Variants in CASK observed in about 807,000 individuals in gnomAD.
The protein encoded by CASK is calcium/calmodulin dependent serine protein kinase, also known as peripheral plasma membrane protein CASK.
CASK carries 4 observed loss-of-function variants against 82.9 expected under a neutral mutation model. That is an observed-to-expected ratio of 0.05 (90% CI 0.02 to 0.11). The LOEUF (loss-of-function observed/expected upper bound fraction) is 0.11. Ranked by LOEUF, CASK falls within the 10% of genes least tolerant of loss-of-function variation. CASK has a pLI of 1.00. For synonymous variants in CASK, 259 were observed against 253.5 expected (o/e 1.02, Z -0.20); for missense variants, 358 against 720.9 (o/e 0.50, Z 5.76).
At position 41,621,656 on chromosome X, in the gene CASK, C is replaced by T. The variant is rs750769666; in HGVS notation, c.1033+961G>A. On this transcript the variant is annotated intron_variant, in intron 11 of 26. Transcript: ENST00000378163. Reference sequence around the variant, plus strand: ...CTGACCCACAGGAACTGTGAGATGACAACTGCTGTTTTAAGGTAATTCATT... The same window carrying T: ...CTGACCCACAGGAACTGTGAGATGATAACTGCTGTTTTAAGGTAATTCATT... Among the ~76,000 whole-genome samples, 5 of 111,827 alleles carry T rather than the reference C, an allele frequency of 4.5e-5. No individual in the cohort carries two copies. In the East Asian group the frequency reaches 1.4e-3, roughly 31 times the overall value.
chrX:41,761,197 T>C (rs2068994957), intron 3 of CASK, among the ~76,000 whole-genome samples: 1 of 111,768 alleles, frequency 8.9e-6, no homozygotes, highest in South Asian at 3.7e-4. Context: ...TTTCAAACGA[T>C]GTAGATATGA....
chrX:41,636,143 C>T (rs973789078), intron 9 of CASK, among the ~76,000 whole-genome samples: 8 of 109,844 alleles, frequency 7.3e-5, no homozygotes, highest in African/African-American at 1.7e-4. Context: ...GCAATCCGCC[C>T]GCCTCGGCCT....
chrX:41,539,088 G>T (rs1486676164), intron 22 of CASK, among the ~76,000 whole-genome samples: 1 of 111,947 alleles, frequency 8.9e-6, no homozygotes, highest in African/African-American at 3.2e-5. Flanking sequence ...TTTCACACGT[G>T]ATGACTTATT....
intron 5 of CASK, among the ~76,000 whole-genome samples, chrX:41,678,394 G>A (rs898503345): frequency 9.0e-6 from 1 of 111,045 alleles, no homozygotes; most frequent in Non-Finnish European, 1.9e-5. Context: ...CTTGACTAAT[G>A]GTACCTACAT....
intron 5 of CASK, chrX:41,676,001 G>A: frequency 8.3e-7 from 1 of 1,207,919 alleles, no homozygotes; most frequent in Admixed American, 2.2e-5. Context: ...TGGTCTGATA[G>A]GATGTGTTGG....
At chrX:41,870,975 G>A (rs1378080880) in intron 1 of CASK, among the ~76,000 whole-genome samples, 3 of 112,304 alleles carry the variant, frequency 2.7e-5, no homozygotes, top group East Asian at 5.6e-4. Flanking sequence ...TCTCAGCTAG[G>A]TTGTTTGCGT....
intron 5 of CASK, among the ~76,000 whole-genome samples, chrX:41,711,993 A>G (rs2067985487): frequency 8.9e-6 from 1 of 112,960 alleles, no homozygotes; most frequent in Non-Finnish European, 1.9e-5. Flanking sequence ...ACGCAGGTAC[A>G]AGCCATAGCA....
At chrX:41,862,228 T>C (rs984875594) in intron 1 of CASK, among the ~76,000 whole-genome samples, 22 of 110,106 alleles carry the variant, frequency 2.0e-4, no homozygotes, top group Non-Finnish European at 4.2e-4. Context: ...TACAGCCAAG[T>C]CAAAACACAG....
chrX:41,704,943 G>A (rs1206910681), intron 5 of CASK, among the ~76,000 whole-genome samples: 1 of 111,556 alleles, frequency 9.0e-6, no homozygotes, highest in Non-Finnish European at 1.9e-5. Context: ...ACCTGGCCAA[G>A]TAGAAACATG....
In CASK at chrX:41,586,760, G is replaced by A. The variant is rs2065664072; in HGVS notation, c.1314+147C>T. 6.7e-6 allele frequency: 3 copies of A among 450,546 alleles called. No individual in the cohort carries two copies. The Admixed American group carries it at 1.1e-4, about 17-fold the overall frequency. The allele number at this position is 450,546 out of a possible 1,213,427, so 37.1% of individuals were successfully genotyped here. On this transcript the variant is annotated intron_variant, in intron 14 of 26. Coordinates refer to ENST00000378163, the MANE Select transcript of CASK (RefSeq NM_001367721.1). ...TAAACAAAACAGTCTTAAAATATTT[G>A]GTATTACCTGGTATTGTAATCTTAA...
chrX:41,775,696 T>C (rs1240021835), intron 3 of CASK, among the ~76,000 whole-genome samples: 2 of 105,377 alleles, frequency 1.9e-5, no homozygotes, highest in Non-Finnish European at 4.0e-5. Context: ...CATGGAATAC[T>C]ATGCAGCCAT....
intron 4 of CASK, among the ~76,000 whole-genome samples, chrX:41,740,135 A>G (rs1044475164): frequency 8.9e-6 from 1 of 111,814 alleles, no homozygotes; most frequent in Non-Finnish European, 1.9e-5. Flanking sequence ...AAAAATGGTA[A>G]TGGGGTTAAC....
chrX:41,671,496 G>A lies in CASK; in HGVS notation c.464C>T (p.Ser155Leu). ...AAAGCCTCCAAGTTTAACAGGTGCC[G>A]AGTTTTCTTTTGAGGCAAGGAGAAC... ...HCVLLASKEN[S>L]APVKLGGFGV... The change falls in exon 6 of 27, where the codon TCG (serine) becomes TTG (leucine). Residue 155 changes from serine (S) to leucine (L), a missense_variant. Transcript: ENST00000378163. 1 of 1,206,270 alleles carries A rather than the reference G, an allele frequency of 8.3e-7. No homozygotes were observed. The highest frequency in any genetic ancestry group is 1.1e-6 in the Non-Finnish European group (1 of 891,048).
intron 5 of CASK, among the ~76,000 whole-genome samples, chrX:41,694,902 A>C (rs1461216870): frequency 8.9e-6 from 1 of 112,219 alleles, no homozygotes; most frequent in Non-Finnish European, 1.9e-5. Context: ...AATACATGTC[A>C]AAATGAATGA....
At position 41,794,756 on chromosome X, in the gene CASK, C is replaced by T. The variant is rs181074005; in HGVS notation, c.173-7473G>A. Among the ~76,000 whole-genome samples, 178 of 111,784 alleles carry T rather than the reference C, an allele frequency of 1.6e-3. 2 individuals carry two copies. Among genetic ancestry groups the T allele is most frequent in the African/African-American group, 4.6e-3 (143 of 30,798 alleles). ...TCTTCAATAAAATTTAAAAAGCAAA[C>T]GAGAAGTTACTGAAATAAAATGGGA... On this transcript the variant is annotated intron_variant, in intron 2 of 26. Transcript: ENST00000378163.
chrX:41,693,909 A>G (rs1284160888), intron 5 of CASK, among the ~76,000 whole-genome samples: 3 of 111,637 alleles, frequency 2.7e-5, no homozygotes, highest in African/African-American at 9.8e-5. Context: ...CTCTACCAAA[A>G]TGCTTTGTTT....
intron 2 of CASK, among the ~76,000 whole-genome samples, chrX:41,849,542 A>G (rs2071220352): frequency 9.0e-6 from 1 of 111,664 alleles, no homozygotes; most frequent in Non-Finnish European, 1.9e-5. Flanking sequence ...TCATTTTTTC[A>G]TACATGTGAA....
intron 2 of CASK, among the ~76,000 whole-genome samples, chrX:41,795,520 G>T (rs2069834904): frequency 9.1e-6 from 1 of 110,443 alleles, no homozygotes; most frequent in African/African-American, 3.3e-5. Flanking sequence ...ACAAAAATTA[G>T]CTGGGTGCGG....
At chrX:41,668,782 T>TC (rs907248881) in intron 6 of CASK, among the ~76,000 whole-genome samples, 2 of 110,449 alleles carry the variant, frequency 1.8e-5, no homozygotes, top group Admixed American at 1.9e-4. Flanking sequence ...GCTCTGTTGC[T>TC]CAGGCTGGAG....
Sources: gnomAD v4.1 joint callset for allele counts (sites outside exome capture counted in the v4.1 genomes callset) on GRCh38, gnomAD v4.1.1 for gene constraint, MANE v1.5 for transcripts, NCBI Gene and HGNC (gene_info 2026-07-23, HGNC 2026-07-21) for gene names.